The following PLCB1 variants were observed in gnomAD, a reference collection of about 807,000 sequenced individuals.
The protein encoded by PLCB1 is phospholipase C beta 1, also known as 1-phosphatidylinositol 4,5-bisphosphate phosphodiesterase beta-1.
Under a neutral mutation model 161.8 loss-of-function variants are expected in PLCB1, and 46 were observed. That is an observed-to-expected ratio of 0.28 (90% CI 0.22 to 0.36). The LOEUF (loss-of-function observed/expected upper bound fraction) is 0.36, where lower values mean the gene tolerates loss of function less well. Ranked by LOEUF, PLCB1 falls within the 10% of genes least tolerant of loss-of-function variation. The pLI, the probability that PLCB1 is intolerant of heterozygous loss-of-function variation, is 1.00. For synonymous variants in PLCB1, 517 were observed against 503.7 expected (o/e 1.03, Z -0.35); for missense variants, 1,016 against 1,472.5 (o/e 0.69, Z 5.07).
intron 4 of PLCB1, among the ~76,000 whole-genome samples, chr20:8,633,384 G>T (rs1988661863): frequency 6.6e-6 from 1 of 152,166 alleles, no homozygotes; most frequent in Admixed American, 6.5e-5. Flanking sequence ...ACTCAACTGG[G>T]TGATTTTGAG....
chr20:8,769,839 A>G (rs1296107315), intron 26 of PLCB1, among the ~76,000 whole-genome samples: 1 of 152,260 alleles, frequency 6.6e-6, no homozygotes, highest in Non-Finnish European at 1.5e-5. Context: ...TTATAGAGAT[A>G]AGATGCATTT....
At chr20:8,830,507 C>T (rs1467810873) in intron 31 of PLCB1, among the ~76,000 whole-genome samples, 2 of 152,134 alleles carry the variant, frequency 1.3e-5, no homozygotes, top group Non-Finnish European at 2.9e-5. Context: ...GCTTTTATGT[C>T]CCTGAGAAGA....
chr20:8,588,020 C>T (rs889610739), intron 3 of PLCB1, among the ~76,000 whole-genome samples: 2 of 152,078 alleles, frequency 1.3e-5, no homozygotes, highest in African/African-American at 2.4e-5. Flanking sequence ...TGACGTGTAT[C>T]GAAACTGTCA....
intron 1 of PLCB1, among the ~76,000 whole-genome samples, chr20:8,143,410 A>C (rs925541548): frequency 4.6e-5 from 7 of 152,100 alleles, no homozygotes; most frequent in African/African-American, 1.7e-4. Context: ...CCATTCATTC[A>C]CCAGTCATAC....
chr20:8,235,753 A>T (rs1011272060), intron 2 of PLCB1, among the ~76,000 whole-genome samples: 2 of 152,118 alleles, frequency 1.3e-5, no homozygotes, highest in African/African-American at 4.8e-5. Flanking sequence ...CCCAAGGAAG[A>T]GTTCAACACG....
chr20:8,729,648 C>T (rs966519271), intron 18 of PLCB1: 6 of 151,934 alleles, frequency 3.9e-5, no homozygotes, highest in African/African-American at 1.4e-4. Context: ...AACACACACT[C>T]ACCTAAGTGC....
chr20:8,870,552 G>C (rs1367364546), intron 31 of PLCB1, among the ~76,000 whole-genome samples: 1 of 152,130 alleles, frequency 6.6e-6, no homozygotes. Flanking sequence ...GAATGCATTT[G>C]GCTTTTGACT....
At chr20:8,256,643 G>GC (rs1981435186) in intron 2 of PLCB1, 1 of 152,034 alleles carries the variant, frequency 6.6e-6, no homozygotes, top group Non-Finnish European at 1.5e-5. Context: ...AAGGCAAAAG[G>GC]TAGAGAAAAA....
At position 8,882,397 on chromosome 20, in the gene PLCB1, A is replaced by G. The variant is rs985571095; in HGVS notation, c.*548A>G. On this transcript the variant is annotated 3_prime_UTR_variant, in exon 32 of 32. Transcript: ENST00000338037. Reference sequence around the variant, plus strand: ...CTTGCAGTTTGCTAATTTATTTATCATAGAGTCATCAATGTATTTGTTGCT... The same window carrying G: ...CTTGCAGTTTGCTAATTTATTTATCGTAGAGTCATCAATGTATTTGTTGCT... The G allele has an allele frequency of 6.3e-6, 1 of 159,480 alleles. No homozygotes were observed. The highest frequency in any genetic ancestry group is 1.4e-5 in the Non-Finnish European group (1 of 71,790). The allele number at this position is 159,480 out of a possible 1,614,324, so 9.9% of individuals were successfully genotyped here.
chr20:8,806,771 T>C (rs2146246151), intron 31 of PLCB1, among the ~76,000 whole-genome samples: 1 of 152,312 alleles, frequency 6.6e-6, no homozygotes, highest in South Asian at 2.1e-4. Flanking sequence ...TATGAAGCCC[T>C]ACTACTTACC....
intron 12 of PLCB1, among the ~76,000 whole-genome samples, chr20:8,709,687 A>G (rs1978886316): frequency 6.6e-6 from 1 of 152,236 alleles, no homozygotes; most frequent in African/African-American, 2.4e-5. Flanking sequence ...TTCAACTTGA[A>G]GAATTTCTAA....
At chr20:8,347,898 G>C (rs1393776778) in intron 2 of PLCB1, among the ~76,000 whole-genome samples, 1 of 152,106 alleles carries the variant, frequency 6.6e-6, no homozygotes, top group Non-Finnish European at 1.5e-5. Context: ...CATGAACCCG[G>C]GAGGTGGAGC....
At chr20:8,295,638 G>A (rs1331273289) in intron 2 of PLCB1, among the ~76,000 whole-genome samples, 3 of 152,074 alleles carry the variant, frequency 2.0e-5, no homozygotes, top group Non-Finnish European at 4.4e-5. Flanking sequence ...ATTCACTGAT[G>A]TTTTCACTTA....
chr20:8,863,863 AT>A (rs1306587212), intron 31 of PLCB1, among the ~76,000 whole-genome samples: 1 of 151,690 alleles, frequency 6.6e-6, no homozygotes, highest in African/African-American at 2.4e-5. Context: ...ACTTATAATC[AT>A]TTTTTTATTA....
intron 2 of PLCB1, among the ~76,000 whole-genome samples, chr20:8,267,381 A>G (rs1600274459): frequency 6.6e-6 from 1 of 152,192 alleles, no homozygotes; most frequent in East Asian, 1.9e-4. Context: ...AAACATCCCA[A>G]CCAGTTTTCC....
At chr20:8,189,840 C>T (rs1263387986) in intron 2 of PLCB1, among the ~76,000 whole-genome samples, 1 of 151,956 alleles carries the variant, frequency 6.6e-6, no homozygotes, top group Non-Finnish European at 1.5e-5. Flanking sequence ...TTCTCAGAAT[C>T]CCTTAGAAAC....
chr20:8,687,096 G>A (rs191577184), intron 10 of PLCB1, among the ~76,000 whole-genome samples: 184 of 152,020 alleles, frequency 1.2e-3, no homozygotes, highest in African/African-American at 4.1e-3. Flanking sequence ...CATGATGATA[G>A]CTCACTGTAG....
At chr20:8,826,281 G>T (rs1487651570) in intron 31 of PLCB1, among the ~76,000 whole-genome samples, 1 of 152,060 alleles carries the variant, frequency 6.6e-6, no homozygotes, top group Non-Finnish European at 1.5e-5. Flanking sequence ...GGATCACGAG[G>T]TCAGGAGATC....
At chr20:8,243,647 A>G (rs1980727741) in intron 2 of PLCB1, among the ~76,000 whole-genome samples, 1 of 151,924 alleles carries the variant, frequency 6.6e-6, no homozygotes, top group African/African-American at 2.4e-5. Context: ...TTTAATTCCT[A>G]AAAACCACTC....
Sources: allele counts gnomAD v4.1 joint callset (sites outside exome capture counted in the v4.1 genomes callset), GRCh38; gene constraint gnomAD v4.1.1; transcripts MANE v1.5; gene names NCBI Gene and HGNC (gene_info 2026-07-23, HGNC 2026-07-21).